HIBADH: variants seen among roughly 807,000 people sequenced by gnomAD.
HIBADH encodes the protein 3-hydroxyisobutyrate dehydrogenase, also known as 3-hydroxyisobutyrate dehydrogenase, mitochondrial.
A neutral mutation model predicts 36.1 loss-of-function variants in HIBADH; 25 were observed. The observed-to-expected ratio is 0.69, with a 90% CI of 0.50 to 0.97. HIBADH has a LOEUF of 0.97. Ranked by LOEUF, HIBADH falls within the 50% of genes least tolerant of loss-of-function variation. The pLI, the probability that HIBADH is intolerant of heterozygous loss-of-function variation, is 0.00. For synonymous variants in HIBADH, 160 were observed against 149.5 expected, an observed-to-expected ratio of 1.07 and a Z score of -0.51; for missense variants, 421 against 418.0, an observed-to-expected ratio of 1.01 and a Z score of -0.06.
intron 4 of HIBADH, among the ~76,000 whole-genome samples, chr7:27,557,948 T>C (rs1784416951): frequency 6.6e-6 from 1 of 152,240 alleles, no homozygotes. Flanking sequence ...TGTCTGAATA[T>C]CTCTGGTCGT....
intron 7 of HIBADH, among the ~76,000 whole-genome samples, chr7:27,530,957 T>C (rs1321213908): frequency 1.3e-5 from 2 of 151,222 alleles, no homozygotes; most frequent in South Asian, 2.1e-4. Flanking sequence ...CGCACACACA[T>C]ACACACACAC....
intron 2 of HIBADH, chr7:27,649,182 A>C (rs1786130887): frequency 4.2e-6 from 1 of 235,814 alleles, no homozygotes; most frequent in South Asian, 1.4e-4. Flanking sequence ...CAGCACAATC[A>C]GTAAAGTTAC....
rs183083289 is a variant in HIBADH at position 27,660,632 on chromosome 7, T to G, written c.91+2066A>C. On this transcript the variant is annotated intron_variant, in intron 1 of 7. Coordinates refer to ENST00000265395, the MANE Select transcript of HIBADH (RefSeq NM_152740.4). ...GTGAGCTGAGATTGCGCCAATGCAC[T>G]CTAGCCTGGGCGACAGACAAAGACT... 3.5e-3 allele frequency among the ~76,000 whole-genome samples: 526 copies of G among 151,480 alleles called. 5 individuals are homozygous for G. Among genetic ancestry groups the G allele is most frequent in the African/African-American group, 0.012 (513 of 41,204 alleles).
intron 6 of HIBADH, 64 bp from the exon 7 acceptor site, chr7:27,531,412 T>G: frequency 7.1e-7 from 1 of 1,402,340 alleles, no homozygotes; most frequent in East Asian, 2.3e-5. Context: ...GTGACTTATT[T>G]ATGTATGGGG....
chr7:27,648,640 C>A (rs1278609877), intron 2 of HIBADH, among the ~76,000 whole-genome samples: 2 of 152,150 alleles, frequency 1.3e-5, no homozygotes, highest in Non-Finnish European at 2.9e-5. Context: ...GAATTTCCCT[C>A]ATATCTAGAA....
At chr7:27,659,707 G>A (rs775204868) in intron 1 of HIBADH, among the ~76,000 whole-genome samples, 1 of 151,874 alleles carries the variant, frequency 6.6e-6, no homozygotes, top group Non-Finnish European at 1.5e-5. Context: ...GGACAAGAGA[G>A]AGAGAGAGAC....
intron 4 of HIBADH, among the ~76,000 whole-genome samples, chr7:27,628,676 A>G (rs1562650967): frequency 6.6e-6 from 1 of 152,130 alleles, no homozygotes; most frequent in Non-Finnish European, 1.5e-5. Context: ...ATTTTCTAAA[A>G]TTAAGCCATC....
chr7:27,542,910 A>G, intron 5 of HIBADH, 57 bp downstream of exon 5: 1 of 1,537,524 alleles, frequency 6.5e-7, no homozygotes, highest in Non-Finnish European at 8.9e-7. Flanking sequence ...GGAAAGAGAA[A>G]GGAACATTAG....
chr7:27,594,991 AAG>A (rs981367176), intron 4 of HIBADH, among the ~76,000 whole-genome samples: 10 of 152,224 alleles, frequency 6.6e-5, no homozygotes. Flanking sequence ...AAATAACTAA[AAG>A]AAGATGTACA....
chr7:27,534,055 C>T (rs1464439190), intron 6 of HIBADH, among the ~76,000 whole-genome samples: 1 of 152,198 alleles, frequency 6.6e-6, no homozygotes, highest in African/African-American at 2.4e-5. Context: ...ATCGCTCTGA[C>T]TGCATATATA....
At chr7:27,587,332 G>A (rs1435149386) in intron 4 of HIBADH, among the ~76,000 whole-genome samples, 2 of 152,110 alleles carry the variant, frequency 1.3e-5, no homozygotes, top group Non-Finnish European at 2.9e-5. Context: ...ACATGAAGTG[G>A]TGTTAAAGCT....
At chr7:27,629,285 C>G in intron 4 of HIBADH, 86 bp downstream of exon 4, 1 of 1,352,316 alleles carries the variant, frequency 7.4e-7, no homozygotes, top group Non-Finnish European at 1.0e-6. Flanking sequence ...AAAATAACTA[C>G]TACAAAACCA....
At position 27,531,180 on chromosome 7, in the gene HIBADH, C is replaced by T; in HGVS notation, c.852+12G>A. ...TTTTTCCTTCTCTCTTGGGTGTCTA[C>T]ATTTACCATACCTTAGCCATGAGTG... On this transcript the variant is annotated intron_variant, in intron 7 of 7. Coordinates refer to ENST00000265395, the MANE Select transcript of HIBADH (RefSeq NM_152740.4). The T allele has an allele frequency of 6.2e-7, 1 of 1,608,904 alleles. No individual in the cohort carries two copies.
At chr7:27,595,579 GGTGTGTGT>G (rs3219776) in intron 4 of HIBADH, among the ~76,000 whole-genome samples, 3,404 of 143,410 alleles carry the variant, frequency 0.024, 76 homozygotes, top group African/African-American at 0.052. Context: ...CATAAGGGCA[GGTGTGTGT>G]GTGTGTGTGT....
At chr7:27,565,477 T>C (rs1583572196) in intron 4 of HIBADH, among the ~76,000 whole-genome samples, 1 of 152,204 alleles carries the variant, frequency 6.6e-6, no homozygotes, top group African/African-American at 2.4e-5. Context: ...CCAATGTTGA[T>C]TGCTAGTATA....
At chr7:27,609,581 A>C (rs577701465) in intron 4 of HIBADH, among the ~76,000 whole-genome samples, 32 of 152,284 alleles carry the variant, frequency 2.1e-4, no homozygotes, top group African/African-American at 7.2e-4. Flanking sequence ...GTACTGATGA[A>C]TCTTAACTCA....
chr7:27,661,248 A>C (rs1786411425), intron 1 of HIBADH, among the ~76,000 whole-genome samples: 1 of 152,118 alleles, frequency 6.6e-6, no homozygotes, highest in South Asian at 2.1e-4. Flanking sequence ...CAGAAAGGAA[A>C]TTCAGAGGTT....
intron 4 of HIBADH, among the ~76,000 whole-genome samples, chr7:27,602,816 T>G (rs960546166): frequency 6.6e-5 from 10 of 152,262 alleles, no homozygotes; most frequent in Admixed American, 2.0e-4. Flanking sequence ...TTCTCATTAT[T>G]TACTCTTTCC....
intron 6 of HIBADH, among the ~76,000 whole-genome samples, chr7:27,532,594 G>GTAGC (rs1784019147): frequency 6.6e-6 from 1 of 152,228 alleles, no homozygotes; most frequent in Non-Finnish European, 1.5e-5. Context: ...CTTTCAAGGG[G>GTAGC]TAGCTGTGGT....
Sources: gnomAD v4.1 joint callset for allele counts (sites outside exome capture counted in the v4.1 genomes callset) on GRCh38, gnomAD v4.1.1 for gene constraint, MANE v1.5 for transcripts, NCBI Gene and HGNC (gene_info 2026-07-23, HGNC 2026-07-21) for gene names.